Variants in SLC9A8 observed in about 807,000 individuals in gnomAD.
The protein encoded by SLC9A8 is sodium/hydrogen exchanger 8.
In SLC9A8, 48 loss-of-function variants were observed where a neutral mutation model predicts 66.6. The observed-to-expected ratio is 0.72, with a 90% CI of 0.57 to 0.92. The LOEUF (loss-of-function observed/expected upper bound fraction) is 0.92, where lower values mean the gene tolerates loss of function less well. Among genes scored for constraint, SLC9A8 ranks in the 40% least tolerant of loss-of-function variants. SLC9A8 has a pLI of 0.00. For missense variants in SLC9A8, 599 were observed against 747.3 expected (o/e 0.80, Z 2.31); for synonymous variants, 274 against 282.6 (o/e 0.97, Z 0.31).
Position 49,858,298 on chromosome 20 carries a change from A to G in SLC9A8, c.713+2717A>G, listed in dbSNP as rs147218571. 3.9e-3 allele frequency among the ~76,000 whole-genome samples: 587 copies of G among 151,656 alleles called. 6 individuals carry two copies. The highest frequency in any genetic ancestry group is 0.014 in the African/African-American group (564 of 41,314). ...GGATATTATCCAACATCATGCCACAAGACCTTTAAAAAATCCAATGGCAGT... is the reference window on the plus strand; with the variant it reads ...GGATATTATCCAACATCATGCCACAGGACCTTTAAAAAATCCAATGGCAGT... On this transcript the variant is annotated intron_variant, in intron 8 of 15. Coordinates refer to ENST00000361573, the MANE Select transcript of SLC9A8 (RefSeq NM_015266.3).
At position 49,815,025 on chromosome 20, in the gene SLC9A8, C is replaced by T; in HGVS notation, c.44C>T (p.Thr15Ile). ...MAEEERFPNT[T>I]HEGFNVTLHT... ...TCCTCCAGGAGGTTCCCCAATACAA[C>T]TCATGAGGGTTTCAATGTCACCCTC... The change falls in exon 2 of 16, where the codon ACT becomes ATT. Residue 15 changes from threonine (T) to isoleucine (I), a missense_variant. Around this residue, in one of 2 missense-constraint regions of SLC9A8, gnomAD observed 132 missense variants for 120.9 expected, o/e 1.09. Coordinates refer to ENST00000361573, the MANE Select transcript of SLC9A8 (RefSeq NM_015266.3). 1 of 1,592,284 alleles carries T rather than the reference C, an allele frequency of 6.3e-7. No individual in the cohort carries two copies. Among genetic ancestry groups the T allele is most frequent in the Non-Finnish European group, 8.6e-7 (1 of 1,168,418 alleles).
Position 49,823,698 on chromosome 20 carries a change from G to A in SLC9A8, c.289+557G>A, listed in dbSNP as rs17788605. Among the ~76,000 whole-genome samples, 3,479 of 152,248 alleles carry A rather than the reference G, an allele frequency of 0.023. 383 individuals carry two copies. The East Asian group carries it at 0.35, about 15-fold the overall frequency. On this transcript the variant is annotated intron_variant, in intron 3 of 15. Coordinates refer to ENST00000361573, the MANE Select transcript of SLC9A8 (RefSeq NM_015266.3). ...TGAATGAACCCGTGTAATAACAGGT[G>A]TGAATGCACACACAAGTTCATTGAA... is the stretch of plus-strand genomic sequence containing the variant.
intron 10 of SLC9A8, among the ~76,000 whole-genome samples, chr20:49,868,408 C>T (rs943638004): frequency 6.6e-6 from 1 of 152,174 alleles, no homozygotes; most frequent in Non-Finnish European, 1.5e-5. Context: ...GGCAGGATGG[C>T]CCTGTGTGGT....
chr20:49,850,946 G>C, intron 7 of SLC9A8, 102 bp downstream of exon 7: 1 of 728,020 alleles, frequency 1.4e-6, no homozygotes, highest in Non-Finnish European at 2.2e-6. Context: ...TTCTCTCTCT[G>C]TGTATTTATT....
At position 49,823,042 on chromosome 20, in the gene SLC9A8, A is replaced by G. The variant is rs1179217680; in HGVS notation, c.209-19A>G. ...TTGAGTGTTTTTTTTAAAACATTGT[A>G]TTATTTTTTTTTCCACAGCTATCTG... On this transcript the variant is annotated intron_variant, in intron 2 of 15. Transcript: ENST00000361573. 4 of 1,588,200 alleles carry G rather than the reference A, an allele frequency of 2.5e-6. No individual in the cohort carries two copies. The East Asian group carries it at 6.7e-5, about 27-fold the overall frequency.
chr20:49,890,120 C>T lies in SLC9A8; in HGVS notation c.*2184C>T, dbSNP rs948622290. 1 of 152,134 alleles carries T rather than the reference C, an allele frequency of 6.6e-6. No homozygotes were observed. Among genetic ancestry groups the T allele is most frequent in the Non-Finnish European group, 1.5e-5 (1 of 68,054 alleles). The allele number at this position is 152,134 out of a possible 1,614,324, so 9.4% of individuals were successfully genotyped here. On this transcript the variant is annotated 3_prime_UTR_variant, in exon 16 of 16. Transcript: ENST00000361573. ...TGGCGGGACCGTTCCCAGGAGGTAC[C>T]AGCACCTGCCTCGATCTCCTCTGAG... is the stretch of plus-strand genomic sequence containing the variant.
chr20:49,830,219 C>T, intron 3 of SLC9A8: 1 of 853,818 alleles, frequency 1.2e-6, no homozygotes, highest in South Asian at 1.3e-5. Context: ...ATGGCAGCAT[C>T]ACAGACAAAA....
intron 3 of SLC9A8, among the ~76,000 whole-genome samples, chr20:49,824,511 A>G (rs2086848681): frequency 6.6e-6 from 1 of 152,226 alleles, no homozygotes; most frequent in Non-Finnish European, 1.5e-5. Context: ...ATAGCTTCTT[A>G]CATAAATTTG....
chr20:49,830,053 C>G (rs889966472), intron 3 of SLC9A8: 1 of 696,360 alleles, frequency 1.4e-6, no homozygotes, highest in African/African-American at 1.8e-5. Flanking sequence ...CGACCAGAAG[C>G]GAGCCTGTTA....
intron 2 of SLC9A8, among the ~76,000 whole-genome samples, chr20:49,821,325 G>C (rs1427292717): frequency 2.0e-5 from 3 of 152,066 alleles, no homozygotes; most frequent in African/African-American, 7.2e-5. Flanking sequence ...GCCGTTTTTT[G>C]TTTTGTCTAG....
chr20:49,832,312 C>T (rs2087238504), intron 3 of SLC9A8, among the ~76,000 whole-genome samples: 1 of 152,084 alleles, frequency 6.6e-6, no homozygotes, highest in Non-Finnish European at 1.5e-5. Context: ...TCGGTGCTTC[C>T]AGGCCTGGGG....
intron 13 of SLC9A8, among the ~76,000 whole-genome samples, chr20:49,883,610 G>A (rs1470471228): frequency 6.6e-6 from 1 of 152,178 alleles, no homozygotes; most frequent in African/African-American, 2.4e-5. Flanking sequence ...CTCTGTAGCT[G>A]GGGCAGGCCA....
chr20:49,833,068 G>A (rs1027213376), intron 3 of SLC9A8, among the ~76,000 whole-genome samples: 11 of 152,022 alleles, frequency 7.2e-5, no homozygotes, highest in African/African-American at 2.4e-4. Flanking sequence ...ACCACACTCC[G>A]CTAATTTTTG....
chr20:49,814,890 T>C, intron 1 of SLC9A8, 118 bp from the exon 2 acceptor site: 1 of 769,804 alleles, frequency 1.3e-6, no homozygotes, highest in Non-Finnish European at 1.9e-6. Context: ...GGCCTGCCTG[T>C]TAAAGACTTC....
rs1419379584 is a variant in SLC9A8, at chr20:49,888,200, AG to A, written c.*267del. The A allele has an allele frequency of 6.6e-5, 26 of 391,086 alleles. No individual in the cohort carries two copies. The highest frequency in any genetic ancestry group is 1.2e-4 in the Non-Finnish European group (26 of 209,728). The allele number at this position is 391,086 out of a possible 1,614,324, so 24.2% of individuals were successfully genotyped here. A position where few individuals can be genotyped will look rare whatever the true frequency, so the allele number is the denominator to read the frequency against. ...TGTGGCTCCTCAGCCCACAGAGGGG[AG>A]GGAGCATGGGGCCAGGTGCCAGTCA... On this transcript the variant is annotated 3_prime_UTR_variant, in exon 16 of 16. Coordinates refer to ENST00000361573, the MANE Select transcript of SLC9A8 (RefSeq NM_015266.3).
intron 3 of SLC9A8, among the ~76,000 whole-genome samples, chr20:49,835,165 G>T (rs1171535555): frequency 6.7e-6 from 1 of 149,154 alleles, no homozygotes; most frequent in Non-Finnish European, 1.5e-5. Flanking sequence ...GTAGTCTCTG[G>T]ATCTGCCCTA....
In SLC9A8 at chr20:49,815,075, A is replaced by G. The variant is rs745859662; in HGVS notation, c.94A>G (p.Lys32Glu). The G allele has an allele frequency of 1.9e-6, 3 of 1,609,512 alleles. No individual in the cohort carries two copies. The highest frequency in any genetic ancestry group is 2.7e-5 in the African/African-American group (2 of 74,734). ...TLHTTLVVTT[K>E]LVLPTPGKPI... ...CCACACCACCCTGGTTGTCACGACG[A>G]AACTGGTGCTCCCGACCCCTGGCAA... is the stretch of plus-strand genomic sequence containing the variant. Residue 32 changes from lysine (K) to glutamate (E), a missense_variant, in exon 2 of 16, where the codon AAA becomes GAA. By Grantham distance (56) the Lys-to-Glu change is moderately conservative. Coordinates refer to ENST00000361573, the MANE Select transcript of SLC9A8 (RefSeq NM_015266.3).
intron 8 of SLC9A8, among the ~76,000 whole-genome samples, chr20:49,857,933 T>C (rs752398685): frequency 1.3e-5 from 2 of 152,220 alleles, no homozygotes; most frequent in African/African-American, 2.4e-5. Context: ...ACCAAACTTA[T>C]AAGTATTTTT....
chr20:49,818,048 A>G (rs1382926693), intron 2 of SLC9A8, among the ~76,000 whole-genome samples: 1 of 152,156 alleles, frequency 6.6e-6, no homozygotes, highest in African/African-American at 2.4e-5. Context: ...AACTTTTGTA[A>G]TCACTTTTTT....
Sources: allele counts gnomAD v4.1 joint callset (sites outside exome capture counted in the v4.1 genomes callset), GRCh38; gene constraint gnomAD v4.1.1; regional missense constraint gnomAD v4.1.1; transcripts MANE v1.5; gene names NCBI Gene and HGNC (gene_info 2026-07-23, HGNC 2026-07-21).